The following ADAM12 variants were observed in gnomAD, a reference collection of about 807,000 sequenced individuals.
The protein encoded by ADAM12 is disintegrin and metalloproteinase domain-containing protein 12.
In ADAM12, 70 loss-of-function variants were observed where a neutral mutation model predicts 106.4. That is an observed-to-expected ratio of 0.66 (90% CI 0.54 to 0.80). ADAM12 has a LOEUF of 0.80. ADAM12 is among the 30% of genes least tolerant of loss of function. The probability of loss-of-function intolerance (pLI) is 0.00; values close to 1 mark genes in which losing one functional copy is unlikely to be tolerated. For missense variants in ADAM12, 1,010 were observed against 1,171.9 expected (o/e 0.86, Z 2.02); for synonymous variants, 420 against 433.5 (o/e 0.97, Z 0.39).
intron 1 of ADAM12, among the ~76,000 whole-genome samples, chr10:126,352,001 C>A (rs1430760264): frequency 6.6e-6 from 1 of 152,176 alleles, no homozygotes; most frequent in Non-Finnish European, 1.5e-5. Context: ...CTGAAGACCT[C>A]CGGCCTCAAG....
chr10:126,130,276 G>A (rs1266004641), intron 5 of ADAM12, among the ~76,000 whole-genome samples: 1 of 151,978 alleles, frequency 6.6e-6, no homozygotes, highest in Non-Finnish European at 1.5e-5. Flanking sequence ...ACCCTGGTCT[G>A]ATTCTTGACT....
chr10:126,148,407 C>G (rs1480637636), intron 4 of ADAM12, among the ~76,000 whole-genome samples: 1 of 152,144 alleles, frequency 6.6e-6, no homozygotes, highest in Non-Finnish European at 1.5e-5. Flanking sequence ...GTCCTCACCA[C>G]GAAAAACAAT....
chr10:126,381,230 T>C (rs1304014264), intron 1 of ADAM12, among the ~76,000 whole-genome samples: 1 of 152,184 alleles, frequency 6.6e-6, no homozygotes, highest in Non-Finnish European at 1.5e-5. Context: ...AAAATACATC[T>C]ATATGTCGAG....
intron 21 of ADAM12, among the ~76,000 whole-genome samples, chr10:126,021,413 A>AT (rs1179327919): frequency 6.6e-6 from 1 of 152,200 alleles, no homozygotes; most frequent in East Asian, 1.9e-4. Context: ...TATAATCACC[A>AT]TTTAACATAT....
At chr10:126,263,599 G>A (rs886592036) in intron 3 of ADAM12, among the ~76,000 whole-genome samples, 3 of 151,478 alleles carry the variant, frequency 2.0e-5, no homozygotes, top group African/African-American at 7.3e-5. Flanking sequence ...AGACATGTTA[G>A]TTTGTTGGTG....
At chr10:126,349,721 G>A (rs1056932410) in intron 1 of ADAM12, among the ~76,000 whole-genome samples, 4 of 152,168 alleles carry the variant, frequency 2.6e-5, no homozygotes, top group East Asian at 1.9e-4. Flanking sequence ...AACTTTCAAC[G>A]TCCCTTACAG....
At chr10:126,058,933 A>G (rs1169918275) in intron 14 of ADAM12, among the ~76,000 whole-genome samples, 1 of 152,220 alleles carries the variant, frequency 6.6e-6, no homozygotes, top group Non-Finnish European at 1.5e-5. Context: ...AAGAATGACA[A>G]TGGTTTTCTT....
At chr10:126,161,874 T>C (rs944672514) in intron 3 of ADAM12, among the ~76,000 whole-genome samples, 7 of 152,140 alleles carry the variant, frequency 4.6e-5, no homozygotes, top group Non-Finnish European at 8.8e-5. Flanking sequence ...CGTCAGCAAA[T>C]GAAAACAGAA....
At chr10:126,184,147 C>T (rs1442698096) in intron 3 of ADAM12, among the ~76,000 whole-genome samples, 1 of 152,200 alleles carries the variant, frequency 6.6e-6, no homozygotes, top group East Asian at 1.9e-4. Flanking sequence ...TTCCAAGAAG[C>T]ACTCAGCACC....
At chr10:126,020,051 G>T (rs1953734889) in intron 21 of ADAM12, among the ~76,000 whole-genome samples, 1 of 152,170 alleles carries the variant, frequency 6.6e-6, no homozygotes, top group Non-Finnish European at 1.5e-5. Context: ...GGGGCTTCTG[G>T]ACTGCCCCTG....
chr10:126,220,273 G>A (rs1196794480), intron 3 of ADAM12, among the ~76,000 whole-genome samples: 5 of 152,172 alleles, frequency 3.3e-5, no homozygotes, highest in Non-Finnish European at 5.9e-5. Flanking sequence ...TACTCACGAG[G>A]TGCCGAGCAC....
At chr10:126,212,551 T>C (rs1450740274) in intron 3 of ADAM12, among the ~76,000 whole-genome samples, 1 of 146,198 alleles carries the variant, frequency 6.8e-6, no homozygotes, top group Non-Finnish European at 1.5e-5. Context: ...TTCCTCTTTA[T>C]TTTATTTTAT....
intron 3 of ADAM12, among the ~76,000 whole-genome samples, chr10:126,226,983 A>G (rs780086027): frequency 2.6e-5 from 4 of 152,198 alleles, no homozygotes; most frequent in Non-Finnish European, 5.9e-5. Flanking sequence ...ATAACTGCTT[A>G]TCGTACAGCA....
At chr10:126,081,545 G>A (rs1955216858) in intron 11 of ADAM12, among the ~76,000 whole-genome samples, 1 of 152,210 alleles carries the variant, frequency 6.6e-6, no homozygotes, top group Admixed American at 6.5e-5. Context: ...CCTGACAGCA[G>A]ATGCCACAGA....
intron 3 of ADAM12, among the ~76,000 whole-genome samples, chr10:126,221,563 T>C (rs1284455589): frequency 6.6e-6 from 1 of 152,188 alleles, no homozygotes; most frequent in Non-Finnish European, 1.5e-5. Flanking sequence ...TTTTTTATAT[T>C]ATAACATGTG....
intron 11 of ADAM12, 77 bp from the exon 12 acceptor site, chr10:126,071,731 G>T: frequency 6.6e-7 from 1 of 1,516,426 alleles, no homozygotes. Flanking sequence ...CCCACAAGAA[G>T]GCACCCACTG....
Position 126,016,350 on chromosome 10 carries a change from C to T in ADAM12, c.*929G>A, listed in dbSNP as rs1022560227. 2.6e-5 allele frequency: 4 copies of T among 152,098 alleles called. No homozygotes were observed. The East Asian group carries it at 5.8e-4, about 22-fold the overall frequency. The allele number at this position is 152,098 out of a possible 1,614,324, so 9.4% of individuals were successfully genotyped here. A position where few individuals can be genotyped will look rare whatever the true frequency, so the allele number is the denominator to read the frequency against. ...AGCCTCATCTGTCTGAATACAGGAT[C>T]ATTGTATTACAGTTTGTGGTGATTT... On this transcript the variant is annotated 3_prime_UTR_variant, in exon 23 of 23. Transcript: ENST00000448723.
At chr10:126,235,542 G>A (rs538900409) in intron 3 of ADAM12, among the ~76,000 whole-genome samples, 10 of 152,096 alleles carry the variant, frequency 6.6e-5, no homozygotes, top group East Asian at 3.9e-4. Context: ...CTGCAGGAGC[G>A]TGCCTGCATC....
In ADAM12 at chr10:126,064,549, G is replaced by A. The variant is rs575872879; in HGVS notation, c.1609+257C>T. The stretch of plus-strand genomic sequence containing the variant: ...GTATCCCCCGGGGCGCACAGTAGGT[G>A]CTCCTGCAGCTCCTGTTGGACCGCA... On this transcript the variant is annotated intron_variant, in intron 14 of 22. Coordinates refer to ENST00000448723, the MANE Select transcript of ADAM12 (RefSeq NM_001288973.2). This position sits in a 1 kb window ranked among gnomAD's most constrained non-coding sequence, Gnocchi z 4.4. 8.4e-4 allele frequency: 354 copies of A among 423,504 alleles called. 1 individual carries two copies. The highest frequency in any genetic ancestry group is 1.3e-3 in the Non-Finnish European group (306 of 235,490). The allele number at this position is 423,504 out of a possible 1,614,324, so 26.2% of individuals were successfully genotyped here.
Sources: gnomAD v4.1 joint callset for allele counts (sites outside exome capture counted in the v4.1 genomes callset) on GRCh38, gnomAD v4.1.1 for gene constraint, Gnocchi (gnomAD v3.1) non-coding constraint, MANE v1.5 for transcripts, NCBI Gene and HGNC (gene_info 2026-07-23, HGNC 2026-07-21) for gene names.